Variants in KCNJ10 observed in about 807,000 individuals in gnomAD.
KCNJ10 encodes the protein ATP-sensitive inward rectifier potassium channel 10.
A neutral mutation model predicts 22.2 loss-of-function variants in KCNJ10; 9 were observed. The observed-to-expected ratio is 0.40, with a 90% CI of 0.24 to 0.71. KCNJ10 has a LOEUF of 0.71. Ranked by LOEUF, KCNJ10 falls within the 30% of genes least tolerant of loss-of-function variation. The pLI, the probability that KCNJ10 is intolerant of heterozygous loss-of-function variation, is 0.35. For missense variants in KCNJ10, 337 were observed against 482.7 expected (o/e 0.70, Z 2.83); for synonymous variants, 184 against 187.3 (o/e 0.98, Z 0.15).
Position 160,038,223 on chromosome 1 carries a change from C to T in KCNJ10, c.*3170G>A, listed in dbSNP as rs886045395. On this transcript the variant is annotated 3_prime_UTR_variant, in exon 2 of 2. Transcript: ENST00000644903. ...TAGCAGCTCCCACCCCTGTGGAAGA[C>T]GGAAATACAGTGTACTTCATGAAAG... The T allele has an allele frequency of 1.8e-4, 28 of 152,276 alleles. No individual in the cohort carries two copies. The highest frequency in any genetic ancestry group is 5.8e-4 in the African/African-American group (24 of 41,534). 9.4% of individuals were successfully genotyped at this position (152,276 alleles called of 1,614,324 possible).
intron 1 of KCNJ10, among the ~76,000 whole-genome samples, chr1:160,049,085 G>A (rs1224465855): frequency 6.6e-6 from 1 of 152,176 alleles, no homozygotes; most frequent in Non-Finnish European, 1.5e-5. Flanking sequence ...AGGAAACTGA[G>A]GCTCAGAGAG....
intron 1 of KCNJ10, among the ~76,000 whole-genome samples, chr1:160,054,643 C>T (rs1465421568): frequency 1.3e-5 from 2 of 152,182 alleles, no homozygotes; most frequent in African/African-American, 2.4e-5. Flanking sequence ...AGGTGATAAA[C>T]GAGAAGTCTG....
chr1:160,042,229 G>T lies in KCNJ10; in HGVS notation c.304C>A (p.Pro102Thr), dbSNP rs1424578559. 6 of 1,613,696 alleles carry T rather than the reference G, an allele frequency of 3.7e-6. No homozygotes were observed. The highest frequency in any genetic ancestry group is 1.3e-5 in the African/African-American group (1 of 74,890). Residue 102 changes from proline to threonine, a missense_variant, in exon 2 of 2, where the codon CCG becomes ACG. By Grantham distance (38) the Pro-to-Thr change is conservative. This residue lies in a region of KCNJ10 where 107 missense variants were observed against 135.2 expected (regional missense o/e 0.79). Transcript: ENST00000644903. The stretch of plus-strand genomic sequence containing the variant: ...ACCACACAGGGGGTGTGGTTGGCCG[G>T]GGGGTCCAGCTCCAGCAGGTCCCCA... ...AHGDLLELDP[P>T]ANHTPCVVQV... is the part of the protein sequence containing the mutation.
At chr1:160,066,077 G>A (rs941365199) in intron 1 of KCNJ10, among the ~76,000 whole-genome samples, 1 of 152,198 alleles carries the variant, frequency 6.6e-6, no homozygotes, top group African/African-American at 2.4e-5. Flanking sequence ...GAGCAGGAAT[G>A]AGATGTGGGG....
At chr1:160,069,748 G>C (rs1307337440) in intron 1 of KCNJ10, among the ~76,000 whole-genome samples, 1 of 152,202 alleles carries the variant, frequency 6.6e-6, no homozygotes, top group Non-Finnish European at 1.5e-5. Flanking sequence ...GGATGCAACT[G>C]CTGGTCTGCC....
intron 1 of KCNJ10, among the ~76,000 whole-genome samples, chr1:160,061,072 G>A (rs1884997): frequency 0.45 from 68,208 of 151,756 alleles, 15,983 homozygotes; most frequent in East Asian, 0.68. Flanking sequence ...TCCTAGACCC[G>A]TTCTTCTCCC....
intron 1 of KCNJ10, among the ~76,000 whole-genome samples, chr1:160,051,888 A>T (rs1055366923): frequency 1.3e-5 from 2 of 148,822 alleles, no homozygotes; most frequent in Non-Finnish European, 3.0e-5. Context: ...CCTCCTTCTC[A>T]CCTCCCTCTT....
intron 1 of KCNJ10, among the ~76,000 whole-genome samples, chr1:160,054,880 G>T (rs538707619): frequency 6.6e-6 from 1 of 152,354 alleles, no homozygotes; most frequent in South Asian, 2.1e-4. Context: ...TGACCAGGTT[G>T]CAGATGGGGA....
intron 1 of KCNJ10, among the ~76,000 whole-genome samples, chr1:160,061,254 C>T (rs548928863): frequency 2.0e-5 from 3 of 152,270 alleles, no homozygotes; most frequent in South Asian, 2.1e-4. Context: ...CCATTCTAGT[C>T]CCAGACTTGC....
intron 1 of KCNJ10, among the ~76,000 whole-genome samples, chr1:160,056,917 T>C (rs548228763): frequency 6.6e-6 from 1 of 152,288 alleles, no homozygotes; most frequent in South Asian, 2.1e-4. Context: ...CAGAGAGTCA[T>C]TTTCAATCAA....
At chr1:160,043,503 T>C (rs1007034735) in intron 1 of KCNJ10, among the ~76,000 whole-genome samples, 1 of 152,142 alleles carries the variant, frequency 6.6e-6, no homozygotes, top group African/African-American at 2.4e-5. Flanking sequence ...CTGGGGAAAT[T>C]TGGTCTGAGT....
chr1:160,066,683 T>C (rs1291573375), intron 1 of KCNJ10, among the ~76,000 whole-genome samples: 1 of 152,192 alleles, frequency 6.6e-6, no homozygotes, highest in Non-Finnish European at 1.5e-5. Context: ...TAGTGCCTGC[T>C]GTCTCTCAGA....
chr1:160,064,320 T>C (rs1214477573), intron 1 of KCNJ10, among the ~76,000 whole-genome samples: 4 of 152,226 alleles, frequency 2.6e-5, no homozygotes, highest in Admixed American at 6.5e-5. Flanking sequence ...CAGTGTTCAG[T>C]AGAGTTTTCC....
intron 1 of KCNJ10, among the ~76,000 whole-genome samples, chr1:160,049,943 A>G (rs1208546480): frequency 6.6e-6 from 1 of 150,572 alleles, no homozygotes; most frequent in Non-Finnish European, 1.5e-5. Context: ...GGGCCTTCTC[A>G]TTCCCCCTTC....
chr1:160,050,551 G>A (rs181673137), intron 1 of KCNJ10, among the ~76,000 whole-genome samples: 21 of 152,232 alleles, frequency 1.4e-4, no homozygotes, highest in Non-Finnish European at 2.5e-4. Context: ...TCTAATAAAG[G>A]AGAAAACTGT....
At chr1:160,067,684 G>A (rs1649352685) in intron 1 of KCNJ10, among the ~76,000 whole-genome samples, 1 of 152,162 alleles carries the variant, frequency 6.6e-6, no homozygotes, top group Non-Finnish European at 1.5e-5. Flanking sequence ...ATAACCTGTG[G>A]CTGGAAAGCT....
chr1:160,069,650 A>G (rs1436777082), intron 1 of KCNJ10, among the ~76,000 whole-genome samples: 2 of 152,122 alleles, frequency 1.3e-5, no homozygotes, highest in African/African-American at 4.8e-5. Flanking sequence ...TAACCTGTCC[A>G]TATGGGGAGG....
In KCNJ10 at chr1:160,041,394, C is replaced by G. The variant is rs1648599107; in HGVS notation, c.1139G>C (p.Ter380SerextTer1). 3 of 1,611,990 alleles carry G rather than the reference C, an allele frequency of 1.9e-6. No homozygotes were observed. The highest frequency in any genetic ancestry group is 2.5e-6 in the Non-Finnish European group (3 of 1,179,662). ...SALSVRISNV[*>S] ...GAATGGGGGAGTGGGAACAGGTCAT[C>G]AGACATTGCTGATGCGCACACTAAG... The change falls in exon 2 of 2, where the codon TGA (stop) becomes TCA (serine). Residue 380 changes from the stop codon to serine, a stop_lost. Transcript: ENST00000644903. The surrounding 1 kb of genome is among the most constrained non-coding windows in gnomAD (Gnocchi z 4.4).
At chr1:160,054,996 G>C (rs115022326) in intron 1 of KCNJ10, among the ~76,000 whole-genome samples, 142 of 152,210 alleles carry the variant, frequency 9.3e-4, no homozygotes, top group African/African-American at 3.3e-3. Flanking sequence ...CAACCATCAG[G>C]GGGTGGGGCT....
Sources: gnomAD v4.1 joint callset for allele counts (sites outside exome capture counted in the v4.1 genomes callset) on GRCh38, gnomAD v4.1.1 for gene constraint, gnomAD v4.1.1 regional missense constraint, Gnocchi (gnomAD v3.1) non-coding constraint, MANE v1.5 for transcripts, NCBI Gene and HGNC (gene_info 2026-07-23, HGNC 2026-07-21) for gene names.